PRCP: variants seen among roughly 807,000 people sequenced by gnomAD.
PRCP encodes prolylcarboxypeptidase.
PRCP carries 46 observed loss-of-function variants against 54.2 expected under a neutral mutation model. The observed-to-expected ratio is 0.85, with a 90% confidence interval of 0.67 to 1.09. The LOEUF (loss-of-function observed/expected upper bound fraction) is 1.09, where lower values mean the gene tolerates loss of function less well. Ranked by LOEUF, PRCP falls within the 50% of genes least tolerant of loss-of-function variation. The pLI, the probability that PRCP is intolerant of heterozygous loss-of-function variation, is 0.00. For synonymous variants in PRCP, 240 were observed against 212.2 expected, an observed-to-expected ratio of 1.13 and a Z score of -1.14; for missense variants, 613 against 596.8, an observed-to-expected ratio of 1.03 and a Z score of -0.28.
At chr11:82,853,299 C>T (rs1859004454) in intron 2 of PRCP, 21 bp from the exon 3 acceptor site, 1 of 1,580,630 alleles carries the variant, frequency 6.3e-7, no homozygotes, top group Non-Finnish European at 8.6e-7. Context: ...TTTACAAAAT[C>T]ACAGGATAAA....
intron 2 of PRCP, chr11:82,858,516 A>G (rs571290562): frequency 6.6e-6 from 1 of 152,326 alleles, no homozygotes; most frequent in East Asian, 1.9e-4. Context: ...CCTACACTGA[A>G]TATCTCTTCC....
At chr11:82,843,872 T>C (rs1217279292) in intron 6 of PRCP, among the ~76,000 whole-genome samples, 1 of 151,564 alleles carries the variant, frequency 6.6e-6, no homozygotes, top group Non-Finnish European at 1.5e-5. Flanking sequence ...TGGCTACAGA[T>C]ACACAATTTA....
intron 6 of PRCP, among the ~76,000 whole-genome samples, chr11:82,848,043 A>G (rs535263255): frequency 6.6e-6 from 1 of 152,354 alleles, no homozygotes; most frequent in South Asian, 2.1e-4. Context: ...ATGAAGAAAA[A>G]TAATAGCAAA....
chr11:82,859,749 C>A (rs1859165845), intron 2 of PRCP, among the ~76,000 whole-genome samples: 1 of 152,090 alleles, frequency 6.6e-6, no homozygotes, highest in Non-Finnish European at 1.5e-5. Context: ...TTCTTTAAAG[C>A]TGAATATGCA....
Position 82,849,125 on chromosome 11 carries a change from G to A in PRCP, c.845C>T (p.Thr282Ile). The change falls in exon 6 of 9, where the codon ACC becomes ATC. Residue 282 changes from threonine (T) to isoleucine (I), a missense_variant. Physicochemically the swap from Thr to Ile is moderately conservative, Grantham distance 89 (BLOSUM62 -1). Coordinates refer to ENST00000313010, the MANE Select transcript of PRCP (RefSeq NM_005040.4). ...IQHLKDWISE[T>I]WVNLAMVDYP... Reference sequence around the variant, plus strand: ...GTCCACCATTGCCAGATTCACCCAGGTTTCAGAGATCCAGTCTTTCAAATG... The same window carrying A: ...GTCCACCATTGCCAGATTCACCCAGATTTCAGAGATCCAGTCTTTCAAATG... 1 of 1,614,132 alleles carries A rather than the reference G, an allele frequency of 6.2e-7. No individual in the cohort carries two copies. The highest frequency in any genetic ancestry group is 8.5e-7 in the Non-Finnish European group (1 of 1,179,980).
intron 8 of PRCP, among the ~76,000 whole-genome samples, chr11:82,831,902 T>C (rs1341179442): frequency 6.6e-6 from 1 of 152,002 alleles, no homozygotes; most frequent in Non-Finnish European, 1.5e-5. Context: ...CAGTGTGTTA[T>C]GTTCCCCTCC....
Position 82,850,018 on chromosome 11 carries a change from C to G in PRCP, c.647G>C (p.Gly216Ala). Reference protein sequence around the residue: ...IWQFEDLVPCGVFMKIVTTDF... With the variant: ...IWQFEDLVPCAVFMKIVTTDF... ...TGTAGTTACGATCTTCATAAATACA[C>G]CACAAGGTACTAAATCCTCAAACTG... is the stretch of plus-strand genomic sequence containing the variant. The change falls in exon 5 of 9, where the codon GGT becomes GCT. Residue 216 changes from glycine to alanine, a missense_variant. Coordinates refer to ENST00000313010, the MANE Select transcript of PRCP (RefSeq NM_005040.4). 1 of 1,539,582 alleles carries G rather than the reference C, an allele frequency of 6.5e-7. No individual in the cohort carries two copies. The highest frequency in any genetic ancestry group is 8.8e-7 in the Non-Finnish European group (1 of 1,140,854).
intron 1 of PRCP, among the ~76,000 whole-genome samples, chr11:82,883,064 G>A (rs1183251875): frequency 6.6e-6 from 1 of 152,210 alleles, no homozygotes; most frequent in East Asian, 1.9e-4. Flanking sequence ...GCTTGAGCCA[G>A]TTATTTGTCT....
intron 8 of PRCP, among the ~76,000 whole-genome samples, chr11:82,836,671 C>G (rs528312762): frequency 2.0e-5 from 3 of 152,298 alleles, no homozygotes; most frequent in Non-Finnish European, 4.4e-5. Context: ...ACCTCAGCCT[C>G]CTGAGTAGCT....
chr11:82,887,717 C>A (rs1859897324), intron 1 of PRCP, among the ~76,000 whole-genome samples: 1 of 152,108 alleles, frequency 6.6e-6, no homozygotes, highest in African/African-American at 2.4e-5. Flanking sequence ...AGCCATGAAG[C>A]CTAAAAATAC....
At chr11:82,890,085 C>T (rs1859967699) in intron 1 of PRCP, among the ~76,000 whole-genome samples, 1 of 152,196 alleles carries the variant, frequency 6.6e-6, no homozygotes, top group African/African-American at 2.4e-5. Context: ...TCACCAACTC[C>T]ACAGCCATAC....
rs200565925 is a variant in PRCP, at chr11:82,859,965, A to C, written c.309+12T>G. 19 of 1,563,648 alleles carry C rather than the reference A, an allele frequency of 1.2e-5. No individual in the cohort carries two copies. In the East Asian group the frequency reaches 2.4e-4, roughly 20 times the overall value. On this transcript the variant is annotated intron_variant, in intron 2 of 8. Coordinates refer to ENST00000313010, the MANE Select transcript of PRCP (RefSeq NM_005040.4). Reference sequence around the variant, plus strand: ...CAAATTGAGCACTGGAATTTCATGAATCTGCACATACCGTGTTATTACAAA... The same window carrying C: ...CAAATTGAGCACTGGAATTTCATGACTCTGCACATACCGTGTTATTACAAA...
chr11:82,852,227 A>G (rs1198686510), intron 3 of PRCP, among the ~76,000 whole-genome samples: 1 of 152,190 alleles, frequency 6.6e-6, no homozygotes, highest in Non-Finnish European at 1.5e-5. Context: ...AATATCAGCA[A>G]ATCATCCCAC....
chr11:82,848,638 T>C (rs1858869106), intron 6 of PRCP, among the ~76,000 whole-genome samples: 1 of 152,240 alleles, frequency 6.6e-6, no homozygotes, highest in Non-Finnish European at 1.5e-5. Flanking sequence ...CATGGTGCTA[T>C]GATAATGACT....
chr11:82,845,726 A>T (rs1180217991), intron 6 of PRCP: 1 of 152,210 alleles, frequency 6.6e-6, no homozygotes, highest in Non-Finnish European at 1.5e-5. Context: ...TATCAGCTGA[A>T]ATGTGATTCC....
At position 82,824,064 on chromosome 11, in the gene PRCP, T is replaced by A. The variant is rs550722954; in HGVS notation, c.*842A>T. 9.8e-5 allele frequency: 15 copies of A among 152,352 alleles called. No individual in the cohort carries two copies. In the East Asian group the frequency reaches 2.9e-3, roughly 29 times the overall value. The allele number at this position is 152,352 out of a possible 1,614,324, so 9.4% of individuals were successfully genotyped here. On this transcript the variant is annotated 3_prime_UTR_variant, in exon 9 of 9. Transcript: ENST00000313010. ...TCATCAATTTTTAAAGGCTTCTTAC[T>A]GAAATATAATTAGTGACTACAGCAT...
intron 6 of PRCP, among the ~76,000 whole-genome samples, chr11:82,847,668 A>G (rs1308845794): frequency 6.6e-6 from 1 of 152,028 alleles, no homozygotes; most frequent in African/African-American, 2.4e-5. Flanking sequence ...GTACAGTGGC[A>G]TGATCACAGC....
At position 82,823,626 on chromosome 11, in the gene PRCP, A is replaced by AG. The variant is rs1430411462; in HGVS notation, c.*1279_*1280insC. The AG allele has an allele frequency of 6.6e-6, 1 of 152,204 alleles. No homozygotes were observed. The highest frequency in any genetic ancestry group is 1.5e-5 in the Non-Finnish European group (1 of 68,036). The allele number at this position is 152,204 out of a possible 1,614,324, so 9.4% of individuals were successfully genotyped here. On this transcript the variant is annotated 3_prime_UTR_variant, in exon 9 of 9. Coordinates refer to ENST00000313010, the MANE Select transcript of PRCP (RefSeq NM_005040.4). The stretch of plus-strand genomic sequence containing the variant: ...AAATGTTCCCAAGGCAGGGTGAAGA[A>AG]AAAAAAATTATTGAGAGAAAATGAA...
intron 1 of PRCP, among the ~76,000 whole-genome samples, chr11:82,871,463 G>GCCATTGC: frequency 6.6e-6 from 1 of 152,270 alleles, no homozygotes; most frequent in South Asian, 2.1e-4. Context: ...ATAGGCATAA[G>GCCATTGC]CCATTGCACC....
Sources: gnomAD v4.1 joint callset for allele counts (sites outside exome capture counted in the v4.1 genomes callset) on GRCh38, gnomAD v4.1.1 for gene constraint, MANE v1.5 for transcripts, NCBI Gene and HGNC (gene_info 2026-07-23, HGNC 2026-07-21) for gene names.